The following PCSK5 variants were observed in gnomAD, a reference collection of about 807,000 sequenced individuals.
The protein encoded by PCSK5 is proprotein convertase subtilisin/kexin type 5, also known as prohormone convertase 5.
PCSK5 carries 129 observed loss-of-function variants against 233.2 expected under a neutral mutation model. That is an observed-to-expected ratio of 0.55 (90% confidence interval 0.48 to 0.64). The LOEUF (loss-of-function observed/expected upper bound fraction) is 0.64, where lower values mean the gene tolerates loss of function less well. Among genes scored for constraint, PCSK5 ranks in the 30% least tolerant of loss-of-function variants. PCSK5 has a pLI of 0.00. For missense variants in PCSK5, 2,076 were observed against 2,430.1 expected (o/e 0.85, Z 3.06); for synonymous variants, 825 against 879.2 (o/e 0.94, Z 1.09).
In PCSK5 at chr9:76,238,946, T is replaced by G; in HGVS notation, c.2867-13T>G. ...ACATTTTCCCTCTTTTCGTTGCCCCTGTAACTGATCAGACAACTATGGCCG... is the reference window on the plus strand; with the variant it reads ...ACATTTTCCCTCTTTTCGTTGCCCCGGTAACTGATCAGACAACTATGGCCG... On this transcript the variant is annotated splice_polypyrimidine_tract_variant and intron_variant, in intron 22 of 37. Coordinates refer to ENST00000674117, the MANE Select transcript of PCSK5 (RefSeq NM_001372043.1). 6.2e-7 allele frequency: 1 copy of G among 1,601,898 alleles called. No individual in the cohort carries two copies. Among genetic ancestry groups the G allele is most frequent in the Non-Finnish European group, 8.5e-7 (1 of 1,170,786 alleles).
chr9:76,320,126 CTCTT>C (rs900793423), intron 30 of PCSK5, among the ~76,000 whole-genome samples: 1 of 152,082 alleles, frequency 6.6e-6, no homozygotes, highest in Non-Finnish European at 1.5e-5. Flanking sequence ...CAGCTGTTTT[CTCTT>C]TATCTCTTTG....
At chr9:75,893,399 G>A (rs75846852) in intron 1 of PCSK5, among the ~76,000 whole-genome samples, 104 of 152,274 alleles carry the variant, frequency 6.8e-4, no homozygotes, top group South Asian at 3.7e-3. Flanking sequence ...GAAGGAGGAA[G>A]GAAGTAAAAT....
Position 76,274,268 on chromosome 9 carries a change from T to C in PCSK5, c.3143-17965T>C, listed in dbSNP as rs182702109. ...TTCTAATTTTTATGTCTATCACTTATAGAAGTTATATGTAGTTGTTTTACA... is the reference window on the plus strand; with the variant it reads ...TTCTAATTTTTATGTCTATCACTTACAGAAGTTATATGTAGTTGTTTTACA... On this transcript the variant is annotated intron_variant, in intron 24 of 37. Transcript: ENST00000674117. Among the ~76,000 whole-genome samples the C allele has an allele frequency of 1.6e-3, 242 of 152,252 alleles. 1 individual carries two copies. The highest frequency in any genetic ancestry group is 2.9e-3 in the Non-Finnish European group (197 of 68,018).
At chr9:76,017,990 T>A (rs1040103018) in intron 3 of PCSK5, among the ~76,000 whole-genome samples, 3 of 115,642 alleles carry the variant, frequency 2.6e-5, no homozygotes, top group Non-Finnish European at 5.2e-5. Flanking sequence ...GAGGAAAAGG[T>A]TAAAGAAGGT....
chr9:76,155,818 G>A (rs1201906454), intron 10 of PCSK5, among the ~76,000 whole-genome samples: 2 of 152,154 alleles, frequency 1.3e-5, no homozygotes, highest in Non-Finnish European at 2.9e-5. Flanking sequence ...CAGGCCTTCA[G>A]GAACTTATAA....
intron 10 of PCSK5, among the ~76,000 whole-genome samples, chr9:76,140,030 A>G (rs936893072): frequency 9.9e-5 from 15 of 152,032 alleles, no homozygotes; most frequent in Non-Finnish European, 1.5e-5. Context: ...ATTTTCTACA[A>G]ATGAAAAGTG....
At position 75,891,197 on chromosome 9, in the gene PCSK5, C is replaced by CGCT. The variant is rs1444798065; in HGVS notation, c.25_27dup (p.Cys9dup). 1 of 1,481,632 alleles carries CGCT rather than the reference C, an allele frequency of 6.7e-7. No individual in the cohort carries two copies. The highest frequency in any genetic ancestry group is 1.4e-5 in the South Asian group (1 of 69,274). 91.8% of individuals were successfully genotyped at this position (1,481,632 alleles called of 1,614,324 possible). Reference sequence around the variant, plus strand: ...CGCCGGGACCATGGGCTGGGGGAGCCGCTGCTGCTGCCCGGGACGTTTGGA... The same window carrying CGCT: ...CGCCGGGACCATGGGCTGGGGGAGCCGCTGCTGCTGCTGCCCGGGACGTTTGGA... On this transcript the variant is annotated inframe_insertion, in exon 1 of 38. Transcript: ENST00000674117.
At chr9:76,053,602 A>G (rs1421860167) in intron 5 of PCSK5, among the ~76,000 whole-genome samples, 1 of 152,164 alleles carries the variant, frequency 6.6e-6, no homozygotes, top group East Asian at 1.9e-4. Context: ...TGAAAATACC[A>G]CAGTCTCTTT....
At chr9:76,343,824 G>C (rs1198602251) in intron 35 of PCSK5, among the ~76,000 whole-genome samples, 2 of 151,954 alleles carry the variant, frequency 1.3e-5, no homozygotes, top group Non-Finnish European at 2.9e-5. Context: ...CTACAACTGT[G>C]AACAAGACAG....
At position 76,107,120 on chromosome 9, in the gene PCSK5, G is replaced by A. The variant is rs557115308; in HGVS notation, c.1108-131G>A. 122 of 565,454 alleles carry A rather than the reference G, an allele frequency of 2.2e-4. 1 individual carries two copies. Among genetic ancestry groups the A allele is most frequent in the Admixed American group, 2.1e-3 (67 of 32,356 alleles). The allele number at this position is 565,454 out of a possible 1,614,324, so 35.0% of individuals were successfully genotyped here. The stretch of plus-strand genomic sequence containing the variant: ...TCTGGAAGTGATATGATTTACAGGC[G>A]TGTAGGAACAAGGAATTTAAAACAA... On this transcript the variant is annotated intron_variant, in intron 8 of 37. Transcript: ENST00000674117.
At chr9:76,198,446 C>T (rs564968536) in intron 20 of PCSK5, among the ~76,000 whole-genome samples, 153 of 152,266 alleles carry the variant, frequency 1.0e-3, no homozygotes, top group African/African-American at 3.6e-3. Context: ...ATTTGGCCCA[C>T]ACAAAAATCA....
intron 1 of PCSK5, among the ~76,000 whole-genome samples, chr9:75,921,187 A>G (rs555813039): frequency 6.6e-6 from 1 of 152,308 alleles, no homozygotes; most frequent in African/African-American, 2.4e-5. Context: ...GCTGCATATT[A>G]GAATCACCTA....
chr9:76,275,193 G>A (rs2131378638), intron 24 of PCSK5, among the ~76,000 whole-genome samples: 1 of 152,234 alleles, frequency 6.6e-6, no homozygotes, highest in East Asian at 1.9e-4. Context: ...TGGTCAAATA[G>A]CACTACTCAA....
chr9:76,327,913 G>A, intron 32 of PCSK5, 96 bp from the exon 33 acceptor site: 1 of 788,058 alleles, frequency 1.3e-6, no homozygotes, highest in Non-Finnish European at 2.3e-6. Context: ...GAAGAAATGT[G>A]AAAGGAATGT....
At chr9:76,234,140 T>C (rs1054838145) in intron 22 of PCSK5, among the ~76,000 whole-genome samples, 4 of 152,142 alleles carry the variant, frequency 2.6e-5, no homozygotes, top group Non-Finnish European at 5.9e-5. Flanking sequence ...TTGACTCCTT[T>C]CCAGCCTCAA....
chr9:76,235,143 T>G (rs566619803), intron 22 of PCSK5, among the ~76,000 whole-genome samples: 1 of 152,286 alleles, frequency 6.6e-6, no homozygotes, highest in South Asian at 2.1e-4. Context: ...ATATGGAAGG[T>G]TCATAATAAA....
intron 24 of PCSK5, among the ~76,000 whole-genome samples, chr9:76,263,745 T>A (rs946861984): frequency 1.1e-4 from 17 of 151,716 alleles, no homozygotes; most frequent in African/African-American, 3.9e-4. Context: ...AACCTGCACA[T>A]TGTGCACATG....
At chr9:76,275,281 G>A (rs1827654471) in intron 24 of PCSK5, among the ~76,000 whole-genome samples, 1 of 151,994 alleles carries the variant, frequency 6.6e-6, no homozygotes, top group African/African-American at 2.4e-5. Flanking sequence ...CCTTCACTAA[G>A]ACTGCAATCC....
intron 24 of PCSK5, among the ~76,000 whole-genome samples, chr9:76,244,700 G>T (rs1456789293): frequency 6.6e-6 from 1 of 151,676 alleles, no homozygotes; most frequent in Non-Finnish European, 1.5e-5. Context: ...GGTGGACCTA[G>T]CTATCTGTTA....
Sources: allele counts gnomAD v4.1 joint callset (sites outside exome capture counted in the v4.1 genomes callset), GRCh38; gene constraint gnomAD v4.1.1; transcripts MANE v1.5; gene names NCBI Gene and HGNC (gene_info 2026-07-23, HGNC 2026-07-21).